Variants in ANKS1B observed in about 807,000 individuals in gnomAD.
ANKS1B encodes ankyrin repeat and sterile alpha motif domain containing 1B.
ANKS1B carries 36 observed loss-of-function variants against 148.3 expected under a neutral mutation model. That is an observed-to-expected ratio of 0.24 (90% confidence interval 0.19 to 0.32). The LOEUF is 0.32. Ranked by LOEUF, ANKS1B falls within the 10% of genes least tolerant of loss-of-function variation. The pLI, the probability that ANKS1B is intolerant of heterozygous loss-of-function variation, is 1.00. For missense variants in ANKS1B, 1,157 were observed against 1,542.6 expected (o/e 0.75, Z 4.19); for synonymous variants, 542 against 560.8 (o/e 0.97, Z 0.47).
intron 17 of ANKS1B, among the ~76,000 whole-genome samples, chr12:98,927,616 C>T (rs1316765476): frequency 2.6e-5 from 4 of 151,418 alleles, no homozygotes; most frequent in African/African-American, 9.7e-5. Flanking sequence ...GATATAATTT[C>T]TATGACAATA....
At chr12:99,593,773 C>A (rs1179063363) in intron 9 of ANKS1B, among the ~76,000 whole-genome samples, 2 of 152,058 alleles carry the variant, frequency 1.3e-5, no homozygotes, top group African/African-American at 2.4e-5. Flanking sequence ...TAGGTTGTGA[C>A]AATAGCATTT....
intron 17 of ANKS1B, among the ~76,000 whole-genome samples, chr12:98,867,004 C>A (rs2152310580): frequency 6.6e-6 from 1 of 152,222 alleles, no homozygotes; most frequent in African/African-American, 2.4e-5. Flanking sequence ...AATGAATAAA[C>A]AAATACACAA....
chr12:99,186,708 G>T (rs1201092042), intron 14 of ANKS1B, among the ~76,000 whole-genome samples: 1 of 152,090 alleles, frequency 6.6e-6, no homozygotes, highest in East Asian at 1.9e-4. Flanking sequence ...CAACAGAAAT[G>T]ACATCCACAC....
At chr12:99,924,551 T>C (rs2094440459) in intron 1 of ANKS1B, among the ~76,000 whole-genome samples, 2 of 152,144 alleles carry the variant, frequency 1.3e-5, no homozygotes, top group South Asian at 2.1e-4. Context: ...CCAAAATTCA[T>C]ATGTTGAAAT....
intron 17 of ANKS1B, among the ~76,000 whole-genome samples, chr12:98,862,268 C>T (rs1040521224): frequency 1.3e-5 from 2 of 152,126 alleles, no homozygotes; most frequent in Non-Finnish European, 2.9e-5. Context: ...CAGAACCCAG[C>T]CTACCACTTC....
intron 1 of ANKS1B, among the ~76,000 whole-genome samples, chr12:99,980,068 C>A (rs2095676978): frequency 6.6e-6 from 1 of 150,430 alleles, no homozygotes; most frequent in Non-Finnish European, 1.5e-5. Context: ...CAACATAAAA[C>A]AAATCAGATA....
intron 14 of ANKS1B, among the ~76,000 whole-genome samples, chr12:99,200,644 A>C (rs992175487): frequency 3.3e-5 from 5 of 152,148 alleles, no homozygotes; most frequent in African/African-American, 9.7e-5. Context: ...GGGTGGTTTC[A>C]GAAGTTAAGG....
chr12:99,012,213 A>G (rs1040478055), intron 17 of ANKS1B, among the ~76,000 whole-genome samples: 1 of 152,212 alleles, frequency 6.6e-6, no homozygotes, highest in Non-Finnish European at 1.5e-5. Context: ...AGTGTTAAAA[A>G]GTAAAACTGA....
Position 99,139,430 on chromosome 12 carries a change from CTTTCTTTCTT to C in ANKS1B, c.2526+14849_2526+14858del, listed in dbSNP as rs1194380501. ...TCTTTCTTTCTTTCTTTCTTTCTTT[CTTTCTTTCTT>C]TTTCTTTCTTTCTTTCTTTCAAGAT... On this transcript the variant is annotated intron_variant, in intron 15 of 26. Coordinates refer to ENST00000683438, the MANE Select transcript of ANKS1B (RefSeq NM_001352186.2). 5.2e-3 allele frequency among the ~76,000 whole-genome samples: 48 copies of C among 9,250 alleles called. 13 individuals carry two copies. The highest frequency in any genetic ancestry group is 0.036 in the East Asian group (1 of 28). The allele number at this position is 9,250 out of a possible 152,430, so 6.1% of individuals were successfully genotyped here.
At chr12:99,156,923 TA>T (rs1010864739) in intron 14 of ANKS1B, among the ~76,000 whole-genome samples, 13 of 152,194 alleles carry the variant, frequency 8.5e-5, no homozygotes, top group Non-Finnish European at 1.5e-4. Context: ...TTTTCAAATT[TA>T]AAAAAAGTTT....
intron 17 of ANKS1B, among the ~76,000 whole-genome samples, chr12:98,881,773 A>G (rs1276038646): frequency 6.6e-6 from 1 of 152,134 alleles, no homozygotes; most frequent in African/African-American, 2.4e-5. Flanking sequence ...ATAAAACACC[A>G]TTTGACCTTT....
intron 1 of ANKS1B, among the ~76,000 whole-genome samples, chr12:99,934,695 G>A (rs376289845): frequency 2.6e-5 from 4 of 151,680 alleles, no homozygotes; most frequent in South Asian, 2.1e-4. Context: ...TTTATCTTTC[G>A]AAAACCAACT....
At chr12:99,966,855 T>C (rs1034199162) in intron 1 of ANKS1B, among the ~76,000 whole-genome samples, 1 of 152,176 alleles carries the variant, frequency 6.6e-6, no homozygotes, top group South Asian at 2.1e-4. Context: ...TTTTTTTCTG[T>C]TCAAGTTATC....
At chr12:99,128,679 C>G (rs2065143748) in intron 15 of ANKS1B, among the ~76,000 whole-genome samples, 1 of 152,162 alleles carries the variant, frequency 6.6e-6, no homozygotes. Flanking sequence ...CACAGATACT[C>G]AGGAGCAGCC....
At chr12:99,439,148 C>A (rs754918717) in intron 11 of ANKS1B, among the ~76,000 whole-genome samples, 1 of 151,404 alleles carries the variant, frequency 6.6e-6, no homozygotes, top group Non-Finnish European at 1.5e-5. Flanking sequence ...AATCTTGACC[C>A]CCACCTCACA....
intron 4 of ANKS1B, among the ~76,000 whole-genome samples, chr12:99,785,423 ACT>A (rs2064909524): frequency 6.7e-6 from 1 of 148,210 alleles, no homozygotes; most frequent in African/African-American, 2.5e-5. Context: ...CAATGTAAAA[ACT>A]CTTTTTTTTT....
chr12:99,622,184 A>T (rs73383783), intron 9 of ANKS1B, among the ~76,000 whole-genome samples: 1 of 151,878 alleles, frequency 6.6e-6, no homozygotes, highest in Non-Finnish European at 1.5e-5. Flanking sequence ...AAATCAAAAA[A>T]TTTTCCTGAA....
intron 12 of ANKS1B, among the ~76,000 whole-genome samples, chr12:99,315,845 G>A (rs953282116): frequency 3.0e-4 from 46 of 151,100 alleles, no homozygotes; most frequent in African/African-American, 9.5e-4. Context: ...GACAGGCCCC[G>A]GTGTGTGATG....
At chr12:99,036,384 G>T (rs1212990086) in intron 17 of ANKS1B, among the ~76,000 whole-genome samples, 1 of 151,974 alleles carries the variant, frequency 6.6e-6, no homozygotes, top group African/African-American at 2.4e-5. Flanking sequence ...TTCATTTGTG[G>T]ACTCCCACAA....
Sources: allele counts gnomAD v4.1 joint callset (sites outside exome capture counted in the v4.1 genomes callset), GRCh38; gene constraint gnomAD v4.1.1; transcripts MANE v1.5; gene names NCBI Gene and HGNC (gene_info 2026-07-23, HGNC 2026-07-21).